The following ESYT3 variants were observed in gnomAD, a reference collection of about 807,000 sequenced individuals.
ESYT3 encodes the protein extended synaptotagmin-3.
A neutral mutation model predicts 111.5 loss-of-function variants in ESYT3; 101 were observed. The ratio of observed to expected loss-of-function variants is 0.91; its 90% CI spans 0.77 to 1.07. The LOEUF (loss-of-function observed/expected upper bound fraction) is 1.07, where lower values mean the gene tolerates loss of function less well. Among genes scored for constraint, ESYT3 ranks in the 50% least tolerant of loss-of-function variants. The probability of loss-of-function intolerance (pLI) is 0.00; values close to 1 mark genes in which losing one functional copy is unlikely to be tolerated. For missense variants in ESYT3, 1,097 were observed against 1,109.4 expected, an observed-to-expected ratio of 0.99 and a Z score of 0.16; for synonymous variants, 416 against 446.8, an observed-to-expected ratio of 0.93 and a Z score of 0.87.
chr3:138,451,913 C>A, intron 1 of ESYT3, 135 bp from the exon 2 acceptor site: 4 of 960,508 alleles, frequency 4.2e-6, no homozygotes, highest in South Asian at 2.8e-5. Context: ...CACCTGTGAC[C>A]GACGTGGAGG....
chr3:138,472,043 A>G (rs892418856), intron 17 of ESYT3, among the ~76,000 whole-genome samples: 1 of 152,150 alleles, frequency 6.6e-6, no homozygotes, highest in Non-Finnish European at 1.5e-5. Context: ...AGCCTCTTCT[A>G]ACTCCCTGAA....
intron 17 of ESYT3, among the ~76,000 whole-genome samples, chr3:138,472,015 T>C (rs979212501): frequency 2.6e-5 from 4 of 152,228 alleles, no homozygotes; most frequent in African/African-American, 9.6e-5. Flanking sequence ...GGGTCTTCCC[T>C]TCAGCTCCTA....
Position 138,448,266 on chromosome 3 carries a change from T to TAAAAA in ESYT3, c.328-3759_328-3755dup, listed in dbSNP as rs71146126. Among the ~76,000 whole-genome samples the TAAAAA allele has an allele frequency of 2.2e-3, 99 of 44,604 alleles. 5 individuals carry two copies. Among genetic ancestry groups the TAAAAA allele is most frequent in the African/African-American group, 8.6e-3 (94 of 10,978 alleles). The allele number at this position is 44,604 out of a possible 152,430, so 29.3% of individuals were successfully genotyped here. On this transcript the variant is annotated intron_variant, in intron 1 of 22. Coordinates refer to ENST00000389567, the MANE Select transcript of ESYT3 (RefSeq NM_031913.5). The stretch of plus-strand genomic sequence containing the variant: ...TGGGCAACAAAAATGAAACTCGATC[T>TAAAAA]AAAAAAAAAAAAAAAAAAAAAAAAA...
rs965480265 is a variant in ESYT3, at chr3:138,455,423, T to C, written c.504+95T>C. 1.6e-5 allele frequency: 22 copies of C among 1,418,156 alleles called. No individual in the cohort carries two copies. In the African/African-American group the frequency reaches 2.7e-4, roughly 17 times the overall value. The allele number at this position is 1,418,156 out of a possible 1,614,324, so 87.8% of individuals were successfully genotyped here. A position where few individuals can be genotyped will look rare whatever the true frequency, so the allele number is the denominator to read the frequency against. ...CTTTCTCCCACCCAGGTCAGTCATATGACTGCAGAGATCCCACTGGACCTT... is the reference window on the plus strand; with the variant it reads ...CTTTCTCCCACCCAGGTCAGTCATACGACTGCAGAGATCCCACTGGACCTT... On this transcript the variant is annotated intron_variant, in intron 3 of 22. Coordinates refer to ENST00000389567, the MANE Select transcript of ESYT3 (RefSeq NM_031913.5).
chr3:138,473,031 CA>C (rs2033312248), intron 18 of ESYT3, 172 bp downstream of exon 18: 8 of 1,458,470 alleles, frequency 5.5e-6, no homozygotes, highest in Non-Finnish European at 7.2e-6. Flanking sequence ...GAGAGAGAGC[CA>C]AACAGGCTGT....
Position 138,440,654 on chromosome 3 carries a change from G to A in ESYT3, c.327+5529G>A, listed in dbSNP as rs572281703. Among the ~76,000 whole-genome samples, 68 of 152,250 alleles carry A rather than the reference G, an allele frequency of 4.5e-4. No individual in the cohort carries two copies. The highest frequency in any genetic ancestry group is 1.6e-3 in the African/African-American group (65 of 41,534). ...ATGGCTTGGAGTCAGGCCTGTCCTC[G>A]GGAAGGAAGAGGCAGATAAATTTTT... On this transcript the variant is annotated intron_variant, in intron 1 of 22. Transcript: ENST00000389567. The surrounding 1 kb of genome is among the most constrained non-coding windows in gnomAD (Gnocchi z 4.2).
chr3:138,443,736 C>CTGTGTGTGTGTGTGTGTGTGTGTGTG (rs11268903), intron 1 of ESYT3, among the ~76,000 whole-genome samples: 2 of 147,866 alleles, frequency 1.4e-5, no homozygotes, highest in African/African-American at 5.0e-5. Context: ...GTTTGTGCAT[C>CTGTGTGTGTGTGTGTGTGTGTGTGTG]TGTGTGTGTG....
In ESYT3 at chr3:138,470,969, C is replaced by G. The variant is rs777511558; in HGVS notation, c.1683C>G (p.Arg561=). 3 of 1,614,046 alleles carry G rather than the reference C, an allele frequency of 1.9e-6. No homozygotes were observed. The highest frequency in any genetic ancestry group is 1.7e-5 in the Admixed American group (1 of 60,004). The change falls in exon 17 of 23, where the codon CGC becomes CGG. Residue 561 remains arginine (R), a synonymous_variant. Coordinates refer to ENST00000389567, the MANE Select transcript of ESYT3 (RefSeq NM_031913.5). ...ATGCTGACCTCACTCTTGAGCAGCGCTTTCAGCTGGACCACTCAGGCCTGG... is the reference window on the plus strand; with the variant it reads ...ATGCTGACCTCACTCTTGAGCAGCGGTTTCAGCTGGACCACTCAGGCCTGG... ...LPYADLTLEQ[R]FQLDHSGLDS...
chr3:138,439,315 G>T (rs575908595), intron 1 of ESYT3, among the ~76,000 whole-genome samples: 1 of 152,220 alleles, frequency 6.6e-6, no homozygotes, highest in East Asian at 1.9e-4. Context: ...GACTGTCAAG[G>T]GGTGGAGCGA....
intron 10 of ESYT3, 51 bp from the exon 11 acceptor site, chr3:138,467,510 G>A: frequency 6.3e-7 from 1 of 1,591,930 alleles, no homozygotes; most frequent in Non-Finnish European, 8.6e-7. Context: ...CATGCCCTCT[G>A]CTGCTTTCTT....
At chr3:138,439,042 T>C (rs987736965) in intron 1 of ESYT3, among the ~76,000 whole-genome samples, 1 of 152,220 alleles carries the variant, frequency 6.6e-6, no homozygotes, top group Non-Finnish European at 1.5e-5. Context: ...GGACTGTGTA[T>C]AGCACAGTGA....
At chr3:138,459,380 C>A in intron 5 of ESYT3, 127 bp downstream of exon 5, 1 of 672,084 alleles carries the variant, frequency 1.5e-6, no homozygotes, top group Non-Finnish European at 2.3e-6. Context: ...AGGATGGTGA[C>A]TACGGAGGAG....
chr3:138,447,811 T>A (rs2031643201), intron 1 of ESYT3, among the ~76,000 whole-genome samples: 1 of 152,164 alleles, frequency 6.6e-6, no homozygotes, highest in African/African-American at 2.4e-5. Flanking sequence ...TGATGTAATA[T>A]TTAACCGTGT....
chr3:138,438,691 G>T (rs921756752), intron 1 of ESYT3, among the ~76,000 whole-genome samples: 1 of 152,176 alleles, frequency 6.6e-6, no homozygotes, highest in South Asian at 2.1e-4. Context: ...GTAAAAGGAG[G>T]TTGTATTGGA....
chr3:138,459,039 A>G, intron 4 of ESYT3, 148 bp from the exon 5 acceptor site: 3 of 543,052 alleles, frequency 5.5e-6, no homozygotes, highest in Non-Finnish European at 3.3e-6. Context: ...GGCTGAGGCT[A>G]CTAGGCCATG....
rs1178254658 is a variant in ESYT3, at chr3:138,434,861, G to A, written c.63G>A (p.Pro21=). The change falls in exon 1 of 23, where the codon CCG becomes CCA. Residue 21 remains proline (P), a synonymous_variant. Coordinates refer to ENST00000389567, the MANE Select transcript of ESYT3 (RefSeq NM_031913.5). Reference sequence around the variant, plus strand: ...GCGCCCTGGGAGCCCAGCGCACGCCGGGCCCCGAGCTGCGCCTGTCCAGCC... The same window carrying A: ...GCGCCCTGGGAGCCCAGCGCACGCCAGGCCCCGAGCTGCGCCTGTCCAGCC... ...APSALGAQRT[P]GPELRLSSQL... is the part of the protein sequence containing the mutation. 1.9e-6 allele frequency: 3 copies of A among 1,549,338 alleles called. No homozygotes were observed. In the African/African-American group the frequency reaches 4.1e-5, roughly 21 times the overall value.
In ESYT3 at chr3:138,472,774, C is replaced by T. The variant is rs761922022; in HGVS notation, c.2152C>T (p.Pro718Ser). Residue 718 changes from proline (P) to serine (S), a missense_variant, in exon 18 of 23, where the codon CCC (proline) becomes TCC (serine). Coordinates refer to ENST00000389567, the MANE Select transcript of ESYT3 (RefSeq NM_031913.5). ...KCPASPFAWP[P>S]KRLAPSMSSL... Reference sequence around the variant, plus strand: ...CCCTGCCTCCCCATTCGCATGGCCGCCCAAGAGGCTGGCTCCCAGCATGTC... The same window carrying T: ...CCCTGCCTCCCCATTCGCATGGCCGTCCAAGAGGCTGGCTCCCAGCATGTC... The T allele has an allele frequency of 6.2e-7, 1 of 1,614,190 alleles. No homozygotes were observed. The highest frequency in any genetic ancestry group is 8.5e-7 in the Non-Finnish European group (1 of 1,180,046).
intron 8 of ESYT3, chr3:138,462,416 C>A: frequency 1.6e-6 from 1 of 612,610 alleles, no homozygotes; most frequent in Non-Finnish European, 2.8e-6. Flanking sequence ...AAATTTACTG[C>A]ATTCTAAACT....
intron 18 of ESYT3, 199 bp downstream of exon 18, chr3:138,473,058 C>T (rs774781207): frequency 6.9e-5 from 99 of 1,432,122 alleles, no homozygotes; most frequent in East Asian, 2.3e-4. Context: ...GCTCTAGCTG[C>T]GTACTGACTA....
Sources: gnomAD v4.1 joint callset for allele counts (sites outside exome capture counted in the v4.1 genomes callset) on GRCh38, gnomAD v4.1.1 for gene constraint, Gnocchi (gnomAD v3.1) non-coding constraint, MANE v1.5 for transcripts, NCBI Gene and HGNC (gene_info 2026-07-23, HGNC 2026-07-21) for gene names.